The following DKK2 variants were observed in gnomAD, a reference collection of about 807,000 sequenced individuals.
The protein encoded by DKK2 is dickkopf Wnt signaling pathway inhibitor 2.
Under a neutral mutation model 28.1 loss-of-function variants are expected in DKK2, and 11 were observed. That is an observed-to-expected ratio of 0.39 (90% CI 0.25 to 0.65). The LOEUF (loss-of-function observed/expected upper bound fraction) is 0.65, where lower values mean the gene tolerates loss of function less well. DKK2 is among the 30% of genes least tolerant of loss of function. The pLI is 0.47. For missense variants in DKK2, 326 were observed against 335.5 expected, an observed-to-expected ratio of 0.97 and a Z score of 0.22; for synonymous variants, 135 against 126.5, an observed-to-expected ratio of 1.07 and a Z score of -0.45.
At chr4:106,962,491 A>ATGTGTGTGTGTGTG (rs59831895) in intron 1 of DKK2, among the ~76,000 whole-genome samples, 1 of 117,580 alleles carries the variant, frequency 8.5e-6, no homozygotes, top group East Asian at 2.9e-4. Flanking sequence ...CAGAAAAACT[A>ATGTGTGTGTGTGTG]TGTGTGTGTG....
At chr4:106,946,518 AAAAC>A (rs148057694) in intron 1 of DKK2, among the ~76,000 whole-genome samples, 1,680 of 152,186 alleles carry the variant, frequency 0.011, 21 homozygotes, top group African/African-American at 0.029. Context: ...TTCCACTTAA[AAAAC>A]AAACAAACAA....
At chr4:106,982,946 A>G (rs1290324406) in intron 1 of DKK2, among the ~76,000 whole-genome samples, 3 of 151,268 alleles carry the variant, frequency 2.0e-5, no homozygotes, top group Middle Eastern at 3.2e-3. Context: ...AAGGAAAGAA[A>G]GAGAAGAAAA....
chr4:106,954,392 C>A (rs1277756850), intron 1 of DKK2, among the ~76,000 whole-genome samples: 1 of 151,872 alleles, frequency 6.6e-6, no homozygotes. Context: ...TTATTTTAGC[C>A]TAGGAAATAA....
intron 1 of DKK2, among the ~76,000 whole-genome samples, chr4:106,936,617 G>A (rs914080106): frequency 1.5e-4 from 23 of 152,232 alleles, no homozygotes; most frequent in African/African-American, 5.5e-4. Flanking sequence ...TACAGAGAAT[G>A]CCACAAGGAT....
intron 1 of DKK2, among the ~76,000 whole-genome samples, chr4:107,020,910 GAACATACC>G (rs984893273): frequency 7.9e-5 from 12 of 152,092 alleles, no homozygotes; most frequent in Middle Eastern, 3.4e-3. Flanking sequence ...TTGGGGTGGA[GAACATACC>G]ACTGACCTAG....
rs954232737 is a variant in DKK2, at chr4:106,990,962, T to C, written c.222+44408A>G. On this transcript the variant is annotated intron_variant, in intron 1 of 3. Coordinates refer to ENST00000285311, the MANE Select transcript of DKK2 (RefSeq NM_014421.3). ...AGCTGAAATCAATAGCTCGAATATT[T>C]TGAAGACAGAATGTTAAGTAGAGCA... Among the ~76,000 whole-genome samples the C allele has an allele frequency of 5.9e-5, 9 of 152,248 alleles. 1 individual carries two copies. Among genetic ancestry groups the C allele is most frequent in the Admixed American group, 5.9e-4 (9 of 15,278 alleles).
At chr4:106,936,767 C>G (rs1008448530) in intron 1 of DKK2, among the ~76,000 whole-genome samples, 25 of 152,262 alleles carry the variant, frequency 1.6e-4, no homozygotes, top group Admixed American at 1.5e-3. Flanking sequence ...CAGCGGATCT[C>G]TCAGCAGAAA....
intron 1 of DKK2, among the ~76,000 whole-genome samples, chr4:106,932,701 G>T (rs765135885): frequency 6.6e-5 from 10 of 152,130 alleles, no homozygotes; most frequent in Non-Finnish European, 1.0e-4. Flanking sequence ...TAATTATAAA[G>T]TACTCTATAA....
At chr4:106,944,522 AT>A (rs1463746807) in intron 1 of DKK2, among the ~76,000 whole-genome samples, 1 of 152,064 alleles carries the variant, frequency 6.6e-6, no homozygotes, top group African/African-American at 2.4e-5. Flanking sequence ...CCCTACAGAA[AT>A]TTACATAATT....
intron 1 of DKK2, among the ~76,000 whole-genome samples, chr4:106,939,325 G>C (rs1724653657): frequency 6.6e-6 from 1 of 151,142 alleles, no homozygotes; most frequent in Non-Finnish European, 1.5e-5. Context: ...ATAACAGACA[G>C]AGAGCCAAAT....
chr4:107,019,113 G>A (rs1333913776), intron 1 of DKK2, among the ~76,000 whole-genome samples: 1 of 151,876 alleles, frequency 6.6e-6, no homozygotes, highest in Non-Finnish European at 1.5e-5. Context: ...CTTCAACAAC[G>A]TTTCCAGAGT....
intron 1 of DKK2, among the ~76,000 whole-genome samples, chr4:106,933,969 T>A (rs1333846163): frequency 6.6e-6 from 1 of 151,076 alleles, no homozygotes; most frequent in East Asian, 1.9e-4. Flanking sequence ...AATGTGTGTG[T>A]GTGTGTGTGT....
At chr4:106,974,144 C>T (rs569060063) in intron 1 of DKK2, among the ~76,000 whole-genome samples, 40 of 152,044 alleles carry the variant, frequency 2.6e-4, no homozygotes, top group Non-Finnish European at 3.7e-4. Flanking sequence ...GTTACTGTAG[C>T]CTTGAGGTAT....
At chr4:106,985,107 G>A (rs1307950574) in intron 1 of DKK2, among the ~76,000 whole-genome samples, 6 of 151,494 alleles carry the variant, frequency 4.0e-5, no homozygotes, top group Admixed American at 3.3e-4. Context: ...TACTAGGCAG[G>A]CTGAGGCAGG....
intron 1 of DKK2, among the ~76,000 whole-genome samples, chr4:106,989,041 C>G (rs1723166331): frequency 6.6e-6 from 1 of 152,152 alleles, no homozygotes; most frequent in Non-Finnish European, 1.5e-5. Flanking sequence ...CTCGCCTCTT[C>G]CTGTAAGTGA....
chr4:106,935,583 G>A (rs569061910), intron 1 of DKK2, among the ~76,000 whole-genome samples: 7 of 152,232 alleles, frequency 4.6e-5, no homozygotes, highest in African/African-American at 1.2e-4. Flanking sequence ...AACCAAAGCA[G>A]CCTGGAAGCT....
chr4:106,935,794 G>C (rs1007035270), intron 1 of DKK2, among the ~76,000 whole-genome samples: 2 of 152,220 alleles, frequency 1.3e-5, no homozygotes, highest in East Asian at 3.9e-4. Context: ...GCCTCCTCAA[G>C]TGGGTCTCTG....
At chr4:106,957,368 A>G (rs193259958) in intron 1 of DKK2, among the ~76,000 whole-genome samples, 12 of 152,014 alleles carry the variant, frequency 7.9e-5, no homozygotes, top group Non-Finnish European at 1.8e-4. Flanking sequence ...ATCTAGAACT[A>G]GAAATACCAT....
intron 1 of DKK2, among the ~76,000 whole-genome samples, chr4:107,025,248 C>T (rs1438471587): frequency 6.6e-6 from 1 of 152,084 alleles, no homozygotes; most frequent in Non-Finnish European, 1.5e-5. Flanking sequence ...AGCACAGTGC[C>T]CCAAGTTCTC....
Sources: allele counts gnomAD v4.1 joint callset (sites outside exome capture counted in the v4.1 genomes callset), GRCh38; gene constraint gnomAD v4.1.1; transcripts MANE v1.5; gene names NCBI Gene and HGNC (gene_info 2026-07-23, HGNC 2026-07-21).